The following UTRN variants were observed in gnomAD, a reference collection of about 807,000 sequenced individuals.
UTRN encodes the protein dystrophin-related protein 1.
UTRN carries 283 observed loss-of-function variants against 463.9 expected under a neutral mutation model. That is an observed-to-expected ratio of 0.61 (90% CI 0.55 to 0.67). The LOEUF (loss-of-function observed/expected upper bound fraction) is 0.67, where lower values mean the gene tolerates loss of function less well. Ranked by LOEUF, UTRN falls within the 30% of genes least tolerant of loss-of-function variation. UTRN has a pLI of 0.00. For synonymous variants in UTRN, 1,442 were observed against 1,431.5 expected (o/e 1.01, Z -0.17); for missense variants, 3,922 against 4,084.3 (o/e 0.96, Z 1.08).
chr6:144,520,094 T>C (rs114218486), intron 39 of UTRN, among the ~76,000 whole-genome samples: 79 of 152,340 alleles, frequency 5.2e-4, no homozygotes, highest in African/African-American at 1.8e-3. Context: ...CAGATGACCT[T>C]TCAGCAAAAT....
chr6:144,528,132 G>A (rs1248083209), intron 41 of UTRN, among the ~76,000 whole-genome samples: 2 of 146,920 alleles, frequency 1.4e-5, no homozygotes, highest in South Asian at 4.4e-4. Context: ...CGCCTCCCAG[G>A]TTTGAGTGAT....
At chr6:144,576,703 T>C in intron 50 of UTRN, among the ~76,000 whole-genome samples, 1 of 152,206 alleles carries the variant, frequency 6.6e-6, no homozygotes, top group East Asian at 1.9e-4. Flanking sequence ...AATATTCGTA[T>C]AGTCGCTGAC....
intron 56 of UTRN, among the ~76,000 whole-genome samples, 168 bp downstream of exon 56, chr6:144,752,120 A>G (rs1012550587): frequency 6.6e-6 from 1 of 152,140 alleles, no homozygotes; most frequent in East Asian, 1.9e-4. Context: ...CTTGAACCTA[A>G]AGGCCTCATT....
intron 47 of UTRN, among the ~76,000 whole-genome samples, chr6:144,550,762 C>G (rs1310094926): frequency 1.3e-5 from 2 of 152,108 alleles, no homozygotes; most frequent in Non-Finnish European, 2.9e-5. Context: ...CCTGGTGACT[C>G]AGGTGCTAAA....
At chr6:144,796,651 T>C (rs1440326316) in intron 63 of UTRN, among the ~76,000 whole-genome samples, 1 of 152,170 alleles carries the variant, frequency 6.6e-6, no homozygotes, top group Non-Finnish European at 1.5e-5. Context: ...GTTTACTGCA[T>C]ATAAAGACAT....
At chr6:144,358,704 C>T (rs1215836423) in intron 2 of UTRN, among the ~76,000 whole-genome samples, 1 of 152,178 alleles carries the variant, frequency 6.6e-6, no homozygotes, top group Non-Finnish European at 1.5e-5. Context: ...CTCCTGGGCT[C>T]AAGTGATCCT....
chr6:144,530,382 T>A (rs568535979), intron 41 of UTRN, among the ~76,000 whole-genome samples: 1 of 152,154 alleles, frequency 6.6e-6, no homozygotes, highest in Non-Finnish European at 1.5e-5. Context: ...TAACCTTATT[T>A]GTGTCCTGGA....
intron 25 of UTRN, among the ~76,000 whole-genome samples, chr6:144,474,962 G>A (rs1234660707): frequency 6.6e-6 from 1 of 152,148 alleles, no homozygotes; most frequent in Non-Finnish European, 1.5e-5. Flanking sequence ...TTGGCTCAGG[G>A]CTTATCCATT....
chr6:144,630,060 T>C (rs6899827), intron 51 of UTRN, among the ~76,000 whole-genome samples: 4,296 of 151,826 alleles, frequency 0.028, 205 homozygotes, highest in African/African-American at 0.099. Flanking sequence ...TGGTGGTGGG[T>C]GCCTGTAGTC....
chr6:144,504,265 C>A (rs995815079), intron 34 of UTRN, among the ~76,000 whole-genome samples: 5 of 152,150 alleles, frequency 3.3e-5, no homozygotes, highest in Non-Finnish European at 7.3e-5. Flanking sequence ...GCCAGAACTT[C>A]CAATACTATA....
intron 3 of UTRN, among the ~76,000 whole-genome samples, chr6:144,412,791 AGT>A (rs750965985): frequency 2.9e-4 from 43 of 147,218 alleles, no homozygotes; most frequent in African/African-American, 9.3e-4. Flanking sequence ...ACACACACAC[AGT>A]AAACAATGGG....
chr6:144,651,645 A>G (rs537627611), intron 51 of UTRN, among the ~76,000 whole-genome samples: 1 of 152,342 alleles, frequency 6.6e-6, no homozygotes, highest in African/African-American at 2.4e-5. Flanking sequence ...CTATCATAGT[A>G]GTAGAATGAT....
intron 51 of UTRN, among the ~76,000 whole-genome samples, chr6:144,649,257 A>C (rs529587497): frequency 6.6e-6 from 1 of 152,206 alleles, no homozygotes; most frequent in Non-Finnish European, 1.5e-5. Flanking sequence ...GCATCAGGGC[A>C]TGCTAGGAAA....
chr6:144,737,289 G>A lies in UTRN; in HGVS notation c.7939+6803G>A, dbSNP rs1004920497. Among the ~76,000 whole-genome samples, 3 of 152,228 alleles carry A rather than the reference G, an allele frequency of 2.0e-5. No individual in the cohort carries two copies. In the East Asian group the frequency reaches 5.8e-4, roughly 29 times the overall value. ...ACTGTATGAACTTGATGTCCGGTGA[G>A]TGATGGGTAAGTAGCAAAATGAAGT... On this transcript the variant is annotated intron_variant, in intron 54 of 74. Coordinates refer to ENST00000367545, the MANE Select transcript of UTRN (RefSeq NM_007124.3).
intron 10 of UTRN, among the ~76,000 whole-genome samples, chr6:144,436,804 A>G (rs1175016990): frequency 7.0e-6 from 1 of 143,640 alleles, no homozygotes; most frequent in African/African-American, 2.6e-5. Context: ...ATATATAAAT[A>G]TATATAAATA....
intron 11 of UTRN, among the ~76,000 whole-genome samples, chr6:144,438,037 G>A (rs898631816): frequency 1.3e-5 from 2 of 152,180 alleles, no homozygotes; most frequent in Admixed American, 6.5e-5. Context: ...AGGCCAACGC[G>A]GATGGATCAC....
chr6:144,453,656 C>T lies in UTRN; in HGVS notation c.2197-126C>T, dbSNP rs532808066. 5.0e-4 allele frequency: 350 copies of T among 698,956 alleles called. 5 individuals carry two copies. The South Asian group carries it at 7.2e-3, about 14-fold the overall frequency. The allele number at this position is 698,956 out of a possible 1,614,324, so 43.3% of individuals were successfully genotyped here. ...CAATGCTTTTTAGTTGCTATGATTA[C>T]GTTTGAATTTACCTTTTCAGATTTA... On this transcript the variant is annotated intron_variant, in intron 18 of 74. Transcript: ENST00000367545.
intron 51 of UTRN, among the ~76,000 whole-genome samples, chr6:144,654,304 A>G (rs1779115811): frequency 6.6e-6 from 1 of 152,214 alleles, no homozygotes; most frequent in African/African-American, 2.4e-5. Context: ...TCCAAGCATG[A>G]GAGAAATCCC....
intron 2 of UTRN, among the ~76,000 whole-genome samples, chr6:144,318,207 A>G (rs1001146825): frequency 1.1e-4 from 16 of 152,172 alleles, no homozygotes; most frequent in Admixed American, 3.9e-4. Flanking sequence ...AGTGTATTCC[A>G]TCTTTCTTAC....
Sources: gnomAD v4.1 joint callset for allele counts (sites outside exome capture counted in the v4.1 genomes callset) on GRCh38, gnomAD v4.1.1 for gene constraint, MANE v1.5 for transcripts, NCBI Gene and HGNC (gene_info 2026-07-23, HGNC 2026-07-21) for gene names.